CHRM2: variants seen among roughly 807,000 people sequenced by gnomAD.
CHRM2 encodes the protein muscarinic acetylcholine receptor M2.
Under a neutral mutation model 25.0 loss-of-function variants are expected in CHRM2, and 8 were observed. The observed-to-expected ratio is 0.32, with a 90% CI of 0.19 to 0.58. The LOEUF is 0.58. Ranked by LOEUF, CHRM2 falls within the 20% of genes least tolerant of loss-of-function variation. The pLI is 0.88. For synonymous variants in CHRM2, 202 were observed against 205.7 expected (o/e 0.98, Z 0.15); for missense variants, 440 against 567.1 (o/e 0.78, Z 2.28).
At chr7:136,940,984 GGGCCTGACCTT>G (rs1799738892) in intron 2 of CHRM2, among the ~76,000 whole-genome samples, 1 of 152,216 alleles carries the variant, frequency 6.6e-6, no homozygotes, top group African/African-American at 2.4e-5. Flanking sequence ...AGTACAACAG[GGGCCTGACCTT>G]GCCCAGCTAA....
chr7:137,006,515 T>C (rs1240769349), intron 3 of CHRM2, among the ~76,000 whole-genome samples: 1 of 152,124 alleles, frequency 6.6e-6, no homozygotes, highest in Non-Finnish European at 1.5e-5. Context: ...CAAGCATGTT[T>C]ACACTGTAAT....
chr7:136,972,710 T>C (rs920047979), intron 2 of CHRM2, among the ~76,000 whole-genome samples: 4 of 152,082 alleles, frequency 2.6e-5, no homozygotes, highest in African/African-American at 9.7e-5. Flanking sequence ...GTGATGGTGT[T>C]AGGGATGCTG....
chr7:136,927,027 T>G (rs891833484), intron 2 of CHRM2, among the ~76,000 whole-genome samples: 1 of 140,090 alleles, frequency 7.1e-6, no homozygotes, highest in African/African-American at 2.4e-5. Flanking sequence ...AATATGCTAA[T>G]AGTGTAACAG....
intron 3 of CHRM2, among the ~76,000 whole-genome samples, chr7:137,011,616 C>T (rs1804833953): frequency 6.6e-6 from 1 of 151,968 alleles, no homozygotes; most frequent in South Asian, 2.1e-4. Flanking sequence ...CACGAATTGC[C>T]TCTGGAAACA....
intron 2 of CHRM2, among the ~76,000 whole-genome samples, chr7:136,927,138 T>C (rs763305703): frequency 7.2e-5 from 11 of 152,236 alleles, no homozygotes; most frequent in Non-Finnish European, 1.0e-4. Context: ...AGCTATAATA[T>C]GCAAAGCTCT....
At chr7:136,912,095 A>G (rs1055927256) in intron 2 of CHRM2, among the ~76,000 whole-genome samples, 2 of 151,890 alleles carry the variant, frequency 1.3e-5, no homozygotes, top group Non-Finnish European at 2.9e-5. Context: ...TAATTTTTAT[A>G]TCTTCATATG....
intron 2 of CHRM2, among the ~76,000 whole-genome samples, chr7:136,979,344 A>G (rs1802326142): frequency 6.6e-6 from 1 of 152,184 alleles, no homozygotes. Context: ...TCTGGATATT[A>G]GTGCTTTGTC....
chr7:137,000,158 T>C (rs577780746), intron 3 of CHRM2, among the ~76,000 whole-genome samples: 1 of 151,924 alleles, frequency 6.6e-6, no homozygotes, highest in East Asian at 1.9e-4. Flanking sequence ...CAGTATTTTC[T>C]TTTGTTCAGC....
chr7:136,959,507 G>A (rs975138372), intron 2 of CHRM2, among the ~76,000 whole-genome samples: 1 of 152,212 alleles, frequency 6.6e-6, no homozygotes, highest in Non-Finnish European at 1.5e-5. Context: ...TTTAAAAGTA[G>A]CCACAGAATG....
At position 137,018,981 on chromosome 7, in the gene CHRM2, CA is replaced by C. The variant is rs889311729; in HGVS notation, c.*2716del. 4.6e-4 allele frequency: 70 copies of C among 151,984 alleles called. No individual in the cohort carries two copies. Among genetic ancestry groups the C allele is most frequent in the African/African-American group, 1.6e-3 (68 of 41,540 alleles). 9.4% of individuals were successfully genotyped at this position (151,984 alleles called of 1,614,324 possible). On this transcript the variant is annotated 3_prime_UTR_variant, in exon 4 of 4. Coordinates refer to ENST00000680005, the MANE Select transcript of CHRM2 (RefSeq NM_001006630.2). ...AATGTGTAAAGACATTTTTGGTTGCCACACTGGGAGGAATGCTATTGGTATC... is the reference window on the plus strand; with the variant it reads ...AATGTGTAAAGACATTTTTGGTTGCCCACTGGGAGGAATGCTATTGGTATC...
Position 136,880,404 on chromosome 7 carries a change from T to G in CHRM2, c.-125+10986T>G, listed in dbSNP as rs185707768. Reference sequence around the variant, plus strand: ...AAAGGTCATTCCTGTTTGGTTTGCATATTTTAATTATATTAGTGTGACTTA... The same window carrying G: ...AAAGGTCATTCCTGTTTGGTTTGCAGATTTTAATTATATTAGTGTGACTTA... On this transcript the variant is annotated intron_variant, in intron 2 of 3. Coordinates refer to ENST00000680005, the MANE Select transcript of CHRM2 (RefSeq NM_001006630.2). 1.2e-4 allele frequency among the ~76,000 whole-genome samples: 18 copies of G among 152,100 alleles called. No individual in the cohort carries two copies. The East Asian group carries it at 3.1e-3, about 26-fold the overall frequency.
At chr7:136,957,417 A>C (rs1800789875) in intron 2 of CHRM2, among the ~76,000 whole-genome samples, 1 of 152,268 alleles carries the variant, frequency 6.6e-6, no homozygotes, top group Non-Finnish European at 1.5e-5. Context: ...ATTGGTTTGA[A>C]GCTTGTGCAA....
Position 137,015,945 on chromosome 7 carries a change from T to G in CHRM2, c.1080T>G (p.Ile360Met), listed in dbSNP as rs1034180842. The change falls in exon 4 of 4, where the codon ATT becomes ATG. Residue 360 changes from isoleucine (I) to methionine (M), a missense_variant. By Grantham distance (10) the Ile-to-Met change is conservative (BLOSUM62 1). Coordinates refer to ENST00000680005, the MANE Select transcript of CHRM2 (RefSeq NM_001006630.2). The surrounding 1 kb of genome is among the most constrained non-coding windows in gnomAD (Gnocchi z 5.1). Reference sequence around the variant, plus strand: ...AGAATGGAGATGAAAAGCAGAATATTGTAGCCCGCAAGATTGTGAAGATGA... The same window carrying G: ...AGAATGGAGATGAAAAGCAGAATATGGTAGCCCGCAAGATTGTGAAGATGA... ...SGQNGDEKQN[I>M]VARKIVKMTK... 8.7e-6 allele frequency: 14 copies of G among 1,613,068 alleles called. No individual in the cohort carries two copies. The highest frequency in any genetic ancestry group is 1.2e-5 in the Non-Finnish European group (14 of 1,179,440).
At chr7:136,890,855 G>A (rs531297360) in intron 2 of CHRM2, among the ~76,000 whole-genome samples, 7 of 152,218 alleles carry the variant, frequency 4.6e-5, no homozygotes, top group African/African-American at 1.7e-4. Flanking sequence ...GTGGATATGT[G>A]TATGTGTATG....
At position 137,015,875 on chromosome 7, in the gene CHRM2, G is replaced by A. The variant is rs778101866; in HGVS notation, c.1010G>A (p.Cys337Tyr). Residue 337 changes from cysteine (C) to tyrosine (Y), a missense_variant, in exon 4 of 4, where the codon TGT becomes TAT. By Grantham distance (194) the Cys-to-Tyr change is radical (BLOSUM62 -2). Transcript: ENST00000680005. This position sits in a 1 kb window ranked among gnomAD's most constrained non-coding sequence, Gnocchi z 5.1. Reference sequence around the variant, plus strand: ...ACCAAGACCCCAAAAAGTGACTCATGTACCCCAACTAATACCACCGTGGAG... The same window carrying A: ...ACCAAGACCCCAAAAAGTGACTCATATACCCCAACTAATACCACCGTGGAG... ...IGTKTPKSDS[C>Y]TPTNTTVEVV... 23 of 1,613,136 alleles carry A rather than the reference G, an allele frequency of 1.4e-5. No homozygotes were observed. Among genetic ancestry groups the A allele is most frequent in the Middle Eastern group, 1.7e-4 (1 of 6,052 alleles).
chr7:136,922,994 T>C (rs956860448), intron 2 of CHRM2, among the ~76,000 whole-genome samples: 52 of 152,142 alleles, frequency 3.4e-4, no homozygotes, highest in African/African-American at 1.2e-3. Flanking sequence ...GTAAAAGGGG[T>C]GCTGTTATGA....
At chr7:136,902,117 C>T (rs1397386388) in intron 2 of CHRM2, 1 of 151,952 alleles carries the variant, frequency 6.6e-6, no homozygotes, top group African/African-American at 2.4e-5. Context: ...CCATCAAAGC[C>T]TACTCTCAAA....
Position 136,938,700 on chromosome 7 carries a change from C to T in CHRM2, c.-124-53487C>T, listed in dbSNP as rs1799567547. The T allele has an allele frequency of 9.2e-6, 7 of 758,404 alleles. No individual in the cohort carries two copies. The East Asian group carries it at 1.8e-4, about 20-fold the overall frequency. The allele number at this position is 758,404 out of a possible 1,614,324, so 47.0% of individuals were successfully genotyped here. On this transcript the variant is annotated intron_variant, in intron 2 of 3. Coordinates refer to ENST00000680005, the MANE Select transcript of CHRM2 (RefSeq NM_001006630.2). ...AAGGCCCAGGGGCCAGAGGTGGACA[C>T]CTTGTAGGACTGTACCCCTCCTGCG... is the stretch of plus-strand genomic sequence containing the variant.
At chr7:136,911,579 G>A (rs1797845505) in intron 2 of CHRM2, among the ~76,000 whole-genome samples, 1 of 151,960 alleles carries the variant, frequency 6.6e-6, no homozygotes, top group Non-Finnish European at 1.5e-5. Flanking sequence ...TGGGTTGGAA[G>A]AAGGAGCCAC....
Sources: gnomAD v4.1 joint callset for allele counts (sites outside exome capture counted in the v4.1 genomes callset) on GRCh38, gnomAD v4.1.1 for gene constraint, Gnocchi (gnomAD v3.1) non-coding constraint, MANE v1.5 for transcripts, NCBI Gene and HGNC (gene_info 2026-07-23, HGNC 2026-07-21) for gene names.